The following IKZF1 variants were observed in gnomAD, a reference collection of about 807,000 sequenced individuals.
The protein encoded by IKZF1 is DNA-binding protein Ikaros.
Under a neutral mutation model 51.7 loss-of-function variants are expected in IKZF1, and 10 were observed. The ratio of observed to expected loss-of-function variants is 0.19; its 90% CI spans 0.12 to 0.33. The LOEUF (loss-of-function observed/expected upper bound fraction) is 0.33, where lower values mean the gene tolerates loss of function less well. Among genes scored for constraint, IKZF1 ranks in the 10% least tolerant of loss-of-function variants. The pLI is 1.00. For synonymous variants in IKZF1, 280 were observed against 282.3 expected, an observed-to-expected ratio of 0.99 and a Z score of 0.08; for missense variants, 484 against 707.5, an observed-to-expected ratio of 0.68 and a Z score of 3.58.
intron 3 of IKZF1, among the ~76,000 whole-genome samples, chr7:50,330,526 G>A (rs1056575068): frequency 3.3e-5 from 5 of 152,206 alleles, no homozygotes; most frequent in Non-Finnish European, 7.3e-5. Context: ...CAAGACCGAA[G>A]TGCCCAAGGA....
At chr7:50,334,886 GGTGT>G (rs1210670849) in intron 3 of IKZF1, among the ~76,000 whole-genome samples, 1 of 150,452 alleles carries the variant, frequency 6.6e-6, no homozygotes, top group Admixed American at 6.6e-5. Context: ...TGTAATGTGT[GGTGT>G]GTGTGTGTGT....
intron 3 of IKZF1, among the ~76,000 whole-genome samples, chr7:50,358,252 G>A (rs985050218): frequency 3.3e-5 from 5 of 152,214 alleles, no homozygotes; most frequent in African/African-American, 1.2e-4. Context: ...TGATGTGAAG[G>A]ACAGGACTTT....
At chr7:50,371,493 A>G (rs942247295) in intron 3 of IKZF1, among the ~76,000 whole-genome samples, 1 of 152,232 alleles carries the variant, frequency 6.6e-6, no homozygotes, top group African/African-American at 2.4e-5. Flanking sequence ...CACTCCTTGA[A>G]TGGGAGGCAT....
chr7:50,400,754 CTG>C lies in IKZF1; in HGVS notation c.*129_*130del, dbSNP rs1263731192. The C allele has an allele frequency of 6.4e-6, 8 of 1,256,944 alleles. No individual in the cohort carries two copies. The South Asian group carries it at 7.1e-5, about 11-fold the overall frequency. 77.9% of individuals were successfully genotyped at this position (1,256,944 alleles called of 1,614,324 possible). The stretch of plus-strand genomic sequence containing the variant: ...GACAATGTTGTGTTTGGATTTGTAA[CTG>C]TTTTTTGTTTTTTGTTTGAGTTGGT... On this transcript the variant is annotated 3_prime_UTR_variant, in exon 8 of 8. Coordinates refer to ENST00000331340, the MANE Select transcript of IKZF1 (RefSeq NM_006060.6). This position sits in a 1 kb window ranked among gnomAD's most constrained non-coding sequence, Gnocchi z 5.4.
chr7:50,304,262 C>G (rs1169875148), upstream of IKZF1: 1 of 150,010 alleles, frequency 6.7e-6, no homozygotes, highest in Non-Finnish European at 1.5e-5. Context: ...GGCGACGGGG[C>G]GGGGACGGGA....
At chr7:50,337,608 G>A (rs1366447489) in intron 3 of IKZF1, among the ~76,000 whole-genome samples, 7 of 152,204 alleles carry the variant, frequency 4.6e-5, no homozygotes, top group African/African-American at 1.7e-4. Context: ...GCCTAGAGTA[G>A]GTGCTGTCTG....
intron 3 of IKZF1, among the ~76,000 whole-genome samples, chr7:50,375,516 T>G (rs1342891669): frequency 6.6e-6 from 1 of 152,226 alleles, no homozygotes; most frequent in Admixed American, 6.5e-5. Flanking sequence ...TCTTAGTCAT[T>G]ATAGTGTTGG....
intron 3 of IKZF1, among the ~76,000 whole-genome samples, chr7:50,360,063 A>T (rs1490064063): frequency 1.3e-5 from 2 of 152,108 alleles, no homozygotes; most frequent in Non-Finnish European, 2.9e-5. Flanking sequence ...CGGGATTAAG[A>T]GGGCAACTGA....
chr7:50,382,742 G>A (rs2153478283), intron 5 of IKZF1, 35 bp downstream of exon 5: 2 of 1,578,230 alleles, frequency 1.3e-6, no homozygotes, highest in South Asian at 1.1e-5. Flanking sequence ...GGCTGTCTGG[G>A]TGTCCCGGGA....
chr7:50,358,010 A>G (rs1052284542), intron 3 of IKZF1, among the ~76,000 whole-genome samples: 23 of 152,198 alleles, frequency 1.5e-4, no homozygotes, highest in African/African-American at 5.5e-4. Flanking sequence ...GACATAGCAT[A>G]GCACCTTCAC....
intron 3 of IKZF1, among the ~76,000 whole-genome samples, chr7:50,375,897 A>C (rs945262793): frequency 2.0e-5 from 3 of 152,206 alleles, no homozygotes; most frequent in African/African-American, 7.2e-5. Context: ...ACAGGAATTC[A>C]AATGGTCATG....
intron 3 of IKZF1, among the ~76,000 whole-genome samples, chr7:50,338,488 G>C (rs1337732210): frequency 6.6e-6 from 1 of 152,122 alleles, no homozygotes; most frequent in African/African-American, 2.4e-5. Context: ...CCTTCTACAT[G>C]GGGTTTCAGA....
At chr7:50,336,506 G>A (rs1168818737) in intron 3 of IKZF1, among the ~76,000 whole-genome samples, 2 of 152,216 alleles carry the variant, frequency 1.3e-5, no homozygotes, top group Admixed American at 6.5e-5. Context: ...CAAACCTGCT[G>A]ACCTGGGAAT....
chr7:50,385,500 G>A (rs1365087400), intron 5 of IKZF1, among the ~76,000 whole-genome samples: 2 of 152,222 alleles, frequency 1.3e-5, no homozygotes, highest in South Asian at 2.1e-4. Context: ...GGGTGGAGAA[G>A]TGATCTCCCT....
chr7:50,316,459 CCCACGTGCGAAAATGCAGAGCT>C (rs1236310211), intron 1 of IKZF1, among the ~76,000 whole-genome samples: 6 of 152,194 alleles, frequency 3.9e-5, no homozygotes, highest in African/African-American at 1.2e-4. Context: ...GTCCAGCAGG[CCCACGTGCGAAAATGCAGAGCT>C]CTCTGGCTCT....
chr7:50,321,849 A>C (rs539171869), intron 2 of IKZF1, among the ~76,000 whole-genome samples: 38 of 152,292 alleles, frequency 2.5e-4, no homozygotes, highest in African/African-American at 8.7e-4. Flanking sequence ...TGTTCAAAGG[A>C]TAGGGTAGCT....
chr7:50,322,545 C>T (rs1793675394), intron 2 of IKZF1, among the ~76,000 whole-genome samples: 1 of 152,174 alleles, frequency 6.6e-6, no homozygotes, highest in Non-Finnish European at 1.5e-5. Context: ...TGAGAAAATG[C>T]TACTGATAGA....
At chr7:50,341,509 G>C (rs1017553910) in intron 3 of IKZF1, among the ~76,000 whole-genome samples, 1 of 152,064 alleles carries the variant, frequency 6.6e-6, no homozygotes, top group African/African-American at 2.4e-5. Context: ...CTTATGAGAC[G>C]CAACAACGTT....
At chr7:50,375,674 T>C (rs561149638) in intron 3 of IKZF1, among the ~76,000 whole-genome samples, 4 of 151,688 alleles carry the variant, frequency 2.6e-5, no homozygotes, top group African/African-American at 4.8e-5. Context: ...ATAGTGGTCA[T>C]TGTATTCAAG....
Sources: gnomAD v4.1 joint callset for allele counts (sites outside exome capture counted in the v4.1 genomes callset) on GRCh38, gnomAD v4.1.1 for gene constraint, Gnocchi (gnomAD v3.1) non-coding constraint, MANE v1.5 for transcripts, NCBI Gene and HGNC (gene_info 2026-07-23, HGNC 2026-07-21) for gene names.